The following SPATA13 variants were observed in gnomAD, a reference collection of about 807,000 sequenced individuals.
The protein encoded by SPATA13 is spermatogenesis associated 13.
In SPATA13, 50 loss-of-function variants were observed where a neutral mutation model predicts 104.0. The observed-to-expected ratio is 0.48, with a 90% CI of 0.38 to 0.61. The LOEUF (loss-of-function observed/expected upper bound fraction) is 0.61, where lower values mean the gene tolerates loss of function less well. Among genes scored for constraint, SPATA13 ranks in the 20% least tolerant of loss-of-function variants. The pLI, the probability that SPATA13 is intolerant of heterozygous loss-of-function variation, is 0.00. For synonymous variants in SPATA13, 606 were observed against 667.5 expected (o/e 0.91, Z 1.42); for missense variants, 1,524 against 1,690.6 (o/e 0.90, Z 1.73).
rs1377887766 is a variant in SPATA13, at chr13:24,224,457, C to T, written c.1528C>T (p.Gln510Ter). ...ESEGRAEEPAQREPGPVSLQD... is the reference protein window; with the variant it reads ...ESEGRAEEPA ...TGAAGGAAGGGCAGAAGAGCCTGCT[C>T]AGAGAGAGCCAGGGCCTGTGTCCTT... The change falls in exon 2 of 13, where the codon CAG becomes TAG. Residue 510 changes from glutamine to a stop codon, truncating the protein, a stop_gained. Coordinates refer to ENST00000382108, the MANE Select transcript of SPATA13 (RefSeq NM_001166271.3). LOFTEE classifies it high-confidence loss of function. 5.8e-6 allele frequency: 9 copies of T among 1,551,568 alleles called. No homozygotes were observed. The highest frequency in any genetic ancestry group is 7.8e-6 in the Non-Finnish European group (9 of 1,147,012).
intron 2 of SPATA13, among the ~76,000 whole-genome samples, chr13:24,239,692 C>CT (rs1199967714): frequency 0.067 from 178 of 2,652 alleles, 1 homozygote; most frequent in African/African-American, 0.14. Flanking sequence ...GAGACCATAT[C>CT]TAAAAAAAAA....
intron 3 of SPATA13, among the ~76,000 whole-genome samples, chr13:24,033,266 G>A (rs563892213): frequency 2.8e-4 from 43 of 152,256 alleles, no homozygotes; most frequent in African/African-American, 9.9e-4. Flanking sequence ...TGAAACGAAA[G>A]CAGTCAAGTA....
intron 8 of SPATA13, 145 bp downstream of exon 8, chr13:24,289,323 T>C (rs1876172801): frequency 1.5e-6 from 1 of 665,082 alleles, no homozygotes; most frequent in South Asian, 2.2e-5. Flanking sequence ...TTCTATCTTA[T>C]ATGCTTATCA....
chr13:24,049,265 A>G (rs1488787305), intron 3 of SPATA13, among the ~76,000 whole-genome samples: 2 of 152,222 alleles, frequency 1.3e-5, no homozygotes, highest in Non-Finnish European at 2.9e-5. Context: ...CAGCCCCATG[A>G]CATTATAATA....
At chr13:24,211,049 G>T (rs529817482) in intron 1 of SPATA13, among the ~76,000 whole-genome samples, 1 of 152,170 alleles carries the variant, frequency 6.6e-6, no homozygotes, top group East Asian at 1.9e-4. Flanking sequence ...ATAGTACATT[G>T]TTAGTGTCTA....
Position 23,984,320 on chromosome 13 carries a change from G to A in SPATA13, c.-147+387G>A, listed in dbSNP as rs1274701822. On this transcript the variant is annotated intron_variant, in intron 2 of 14. Coordinates refer to the SPATA13 transcript ENST00000424834. Reference sequence around the variant, plus strand: ...CAGTCATCAGAGTCTCAAAGTACTTGTGTTTGTCTCCTTAACTTCCTTCAT... The same window carrying A: ...CAGTCATCAGAGTCTCAAAGTACTTATGTTTGTCTCCTTAACTTCCTTCAT... Among the ~76,000 whole-genome samples the A allele has an allele frequency of 5.3e-4, 80 of 152,244 alleles. 3 individuals are homozygous for A. Among genetic ancestry groups the A allele is most frequent in the Admixed American group, 5.2e-3 (80 of 15,288 alleles).
intron 4 of SPATA13, chr13:24,270,748 C>T: frequency 6.3e-7 from 1 of 1,576,828 alleles, no homozygotes; most frequent in Non-Finnish European, 8.6e-7. Flanking sequence ...TAAGCGATTT[C>T]TGCAGTTCCC....
intron 1 of SPATA13, among the ~76,000 whole-genome samples, chr13:24,203,441 G>A (rs968006335): frequency 6.6e-6 from 1 of 152,266 alleles, no homozygotes; most frequent in African/African-American, 2.4e-5. Context: ...AAAAGCGCTA[G>A]CTACATTTTG....
chr13:23,987,323 G>A (rs1340275211), intron 2 of SPATA13, among the ~76,000 whole-genome samples: 2 of 152,122 alleles, frequency 1.3e-5, no homozygotes, highest in Admixed American at 6.5e-5. Flanking sequence ...GAGCCACACT[G>A]CTTGTAAAAT....
At position 24,077,334 on chromosome 13, in the gene SPATA13, T is replaced by C. The variant is rs370393998; in HGVS notation, c.-112+59633T>C. On this transcript the variant is annotated intron_variant, in intron 3 of 14. Coordinates refer to the SPATA13 transcript ENST00000424834. ...TTTAATTCACAGTAGAGGTTAACTA[T>C]AGTTACAGGAGCCATGTTCTCTGAA... 2.2e-3 allele frequency among the ~76,000 whole-genome samples: 321 copies of C among 148,294 alleles called. 2 individuals are homozygous for C. Among genetic ancestry groups the C allele is most frequent in the Middle Eastern group, 7.0e-3 (2 of 284 alleles).
At chr13:24,098,651 G>T (rs907500287) in intron 3 of SPATA13, among the ~76,000 whole-genome samples, 6 of 151,074 alleles carry the variant, frequency 4.0e-5, no homozygotes, top group Non-Finnish European at 4.4e-5. Flanking sequence ...AGAAAGGGCC[G>T]GATGTGGTGG....
At chr13:24,108,112 G>GAAT (rs888145001) in intron 3 of SPATA13, among the ~76,000 whole-genome samples, 4 of 152,212 alleles carry the variant, frequency 2.6e-5, no homozygotes, top group Non-Finnish European at 5.9e-5. Flanking sequence ...CTGGAGGGGT[G>GAAT]AATGCTGTGC....
At chr13:24,300,267 G>T (rs958459340) in intron 11 of SPATA13, 134 bp from the exon 12 acceptor site, 3 of 648,970 alleles carry the variant, frequency 4.6e-6, no homozygotes, top group Non-Finnish European at 7.9e-6. Flanking sequence ...ACCTGTCCAC[G>T]TTCTTTGAGG....
intron 3 of SPATA13, among the ~76,000 whole-genome samples, chr13:24,121,823 C>CA (rs1413547409): frequency 6.6e-6 from 1 of 152,142 alleles, no homozygotes; most frequent in Non-Finnish European, 1.5e-5. Flanking sequence ...TTCCTTTCTT[C>CA]AAAAAATAAA....
intron 1 of SPATA13, among the ~76,000 whole-genome samples, chr13:24,198,236 G>A (rs1287924494): frequency 6.6e-6 from 1 of 151,976 alleles, no homozygotes; most frequent in Non-Finnish European, 1.5e-5. Flanking sequence ...CTTGTGATCT[G>A]CCCCCCTTGG....
In SPATA13 at chr13:24,284,283, C is replaced by T. The variant is rs1306476367; in HGVS notation, c.2301+12C>T. The T allele has an allele frequency of 6.2e-7, 1 of 1,612,482 alleles. No homozygotes were observed. The highest frequency in any genetic ancestry group is 8.5e-7 in the Non-Finnish European group (1 of 1,179,070). On this transcript the variant is annotated intron_variant, in intron 5 of 12. Transcript: ENST00000382108. Reference sequence around the variant, plus strand: ...TGGCCATCAATGAGGTACTGGAATTCCACACGACAGTAGTGGATACGGGAT... The same window carrying T: ...TGGCCATCAATGAGGTACTGGAATTTCACACGACAGTAGTGGATACGGGAT...
chr13:24,140,956 C>T (rs564701516), intron 3 of SPATA13, among the ~76,000 whole-genome samples: 3 of 152,264 alleles, frequency 2.0e-5, no homozygotes, highest in Admixed American at 6.5e-5. Context: ...GGGCAAATCA[C>T]CTGAGGTCAG....
chr13:24,188,499 G>T (rs4770617), intron 1 of SPATA13, among the ~76,000 whole-genome samples: 111,625 of 152,154 alleles, frequency 0.73, 45,597 homozygotes, highest in Non-Finnish European at 0.91. Context: ...CTAATCCAAA[G>T]CAAGTCTCTA....
At chr13:24,122,807 T>A (rs2137826251) in intron 3 of SPATA13, 2 of 778,088 alleles carry the variant, frequency 2.6e-6, no homozygotes, top group African/African-American at 1.7e-5. Flanking sequence ...ACTCTCGTTG[T>A]CATGTCAAAC....
Sources: allele counts gnomAD v4.1 joint callset (sites outside exome capture counted in the v4.1 genomes callset), GRCh38; gene constraint gnomAD v4.1.1; transcripts MANE v1.5; gene names NCBI Gene and HGNC (gene_info 2026-07-23, HGNC 2026-07-21).